KIAA1328: variants seen among roughly 807,000 people sequenced by gnomAD.
KIAA1328 encodes KIAA1328.
KIAA1328 carries 52 observed loss-of-function variants against 68.1 expected under a neutral mutation model. The ratio of observed to expected loss-of-function variants is 0.76; its 90% CI spans 0.61 to 0.96. The LOEUF (loss-of-function observed/expected upper bound fraction) is 0.96, where lower values mean the gene tolerates loss of function less well. Among genes scored for constraint, KIAA1328 ranks in the 40% least tolerant of loss-of-function variants. The probability of loss-of-function intolerance (pLI) is 0.00; values close to 1 mark genes in which losing one functional copy is unlikely to be tolerated. For synonymous variants in KIAA1328, 232 were observed against 239.4 expected, an observed-to-expected ratio of 0.97 and a Z score of 0.28; for missense variants, 641 against 677.6, an observed-to-expected ratio of 0.95 and a Z score of 0.60.
At chr18:37,158,512 A>T (rs2059206439) in intron 7 of KIAA1328, among the ~76,000 whole-genome samples, 1 of 152,194 alleles carries the variant, frequency 6.6e-6, no homozygotes, top group African/African-American at 2.4e-5. Context: ...GATGATTGAC[A>T]GGCCATAGTC....
intron 4 of KIAA1328, among the ~76,000 whole-genome samples, chr18:36,847,303 A>G (rs1464586263): frequency 1.3e-5 from 2 of 151,562 alleles, no homozygotes; most frequent in African/African-American, 4.8e-5. Context: ...AAGTGTGTCT[A>G]TAACTTTGTA....
At chr18:37,066,143 TAA>T (rs1351003479) in intron 6 of KIAA1328, among the ~76,000 whole-genome samples, 4 of 152,234 alleles carry the variant, frequency 2.6e-5, no homozygotes, top group Admixed American at 6.5e-5. Flanking sequence ...TGATACAGAT[TAA>T]GTTTTGTTCT....
At chr18:36,837,017 C>T (rs911023366) in intron 3 of KIAA1328, among the ~76,000 whole-genome samples, 7 of 152,102 alleles carry the variant, frequency 4.6e-5, no homozygotes, top group African/African-American at 1.7e-4. Context: ...AGTCAATGGA[C>T]ATGTTCAACT....
At chr18:36,996,174 A>G (rs2151433313) in intron 6 of KIAA1328, among the ~76,000 whole-genome samples, 2 of 152,244 alleles carry the variant, frequency 1.3e-5, no homozygotes, top group South Asian at 4.1e-4. Context: ...CCCACTTTCT[A>G]CCCTGTTAGA....
intron 9 of KIAA1328, among the ~76,000 whole-genome samples, chr18:37,207,001 T>C (rs2060228385): frequency 6.6e-6 from 1 of 152,100 alleles, no homozygotes; most frequent in South Asian, 2.1e-4. Flanking sequence ...GCAGTGGTGA[T>C]AAGTGGAAAG....
intron 3 of KIAA1328, among the ~76,000 whole-genome samples, chr18:36,840,954 C>T (rs1056248527): frequency 4.6e-5 from 7 of 152,260 alleles, no homozygotes; most frequent in Admixed American, 4.6e-4. Flanking sequence ...CTTCAGATTT[C>T]ACTACAGTCT....
At chr18:37,210,451 C>T (rs562751435) in intron 9 of KIAA1328, among the ~76,000 whole-genome samples, 14 of 152,298 alleles carry the variant, frequency 9.2e-5, no homozygotes, top group African/African-American at 2.9e-4. Context: ...CTAGGTAACT[C>T]ATGCGTACTG....
At chr18:36,918,706 C>T (rs563698772) in intron 5 of KIAA1328, among the ~76,000 whole-genome samples, 6 of 151,502 alleles carry the variant, frequency 4.0e-5, no homozygotes, top group East Asian at 1.9e-4. Context: ...TGAGCCACTG[C>T]GCCCGGCCTT....
At chr18:37,141,940 A>G (rs1165383821) in intron 7 of KIAA1328, among the ~76,000 whole-genome samples, 1 of 152,192 alleles carries the variant, frequency 6.6e-6, no homozygotes, top group Non-Finnish European at 1.5e-5. Flanking sequence ...TTCTTTGAAT[A>G]TTTTGGATAC....
At chr18:36,920,949 CG>C (rs1189587351) in intron 5 of KIAA1328, 1 of 152,238 alleles carries the variant, frequency 6.6e-6, no homozygotes, top group Non-Finnish European at 1.5e-5. Flanking sequence ...AGTCTCTCTG[CG>C]TAACTCAGCA....
At chr18:37,075,841 G>C (rs1477191289) in intron 7 of KIAA1328, among the ~76,000 whole-genome samples, 4 of 152,246 alleles carry the variant, frequency 2.6e-5, no homozygotes, top group Non-Finnish European at 5.9e-5. Flanking sequence ...AGCAAGTCCT[G>C]AGTGACCTAC....
chr18:37,081,853 G>C (rs547559536), intron 7 of KIAA1328, among the ~76,000 whole-genome samples: 17 of 151,890 alleles, frequency 1.1e-4, no homozygotes, highest in African/African-American at 4.1e-4. Context: ...ATTATAACAC[G>C]GTCAAAATCC....
chr18:37,053,669 G>A (rs572487114), intron 6 of KIAA1328, among the ~76,000 whole-genome samples: 40 of 152,038 alleles, frequency 2.6e-4, no homozygotes, highest in Non-Finnish European at 4.7e-4. Context: ...GTAGGCCTCC[G>A]GAAACTTACA....
rs1362211345 is a variant in KIAA1328, at chr18:36,959,413, C to T, written c.554C>T (p.Ala185Val). Residue 185 changes from alanine to valine, a missense_variant, in exon 6 of 10, where the codon GCT becomes GTT. Coordinates refer to ENST00000280020, the MANE Select transcript of KIAA1328 (RefSeq NM_020776.3). ...KLTMSLSELG[A>V]ARMQEQQVSS... is the part of the protein sequence containing the mutation. ...ACCATGTCTCTCTCAGAACTTGGTG[C>T]TGCTAGAATGCAGGAACAGCAGGTA... 3 of 1,609,118 alleles carry T rather than the reference C, an allele frequency of 1.9e-6. No homozygotes were observed. The highest frequency in any genetic ancestry group is 2.2e-5 in the South Asian group (2 of 89,558).
intron 9 of KIAA1328, chr18:37,193,706 C>T: frequency 1.5e-6 from 1 of 686,200 alleles, no homozygotes. Context: ...TATTTCATGT[C>T]CAGCTGGGTT....
chr18:36,989,292 C>G (rs770749568), intron 6 of KIAA1328, among the ~76,000 whole-genome samples: 2 of 152,028 alleles, frequency 1.3e-5, no homozygotes, highest in African/African-American at 2.4e-5. Flanking sequence ...AAATTTGTAG[C>G]CATCAGTGTT....
At chr18:37,074,070 G>A (rs2056625056) in intron 7 of KIAA1328, among the ~76,000 whole-genome samples, 1 of 152,194 alleles carries the variant, frequency 6.6e-6, no homozygotes, top group Admixed American at 6.6e-5. Context: ...CTGGACCTTT[G>A]CTGGTGGGAA....
At chr18:36,897,263 A>G in intron 5 of KIAA1328, among the ~76,000 whole-genome samples, 1 of 152,088 alleles carries the variant, frequency 6.6e-6, no homozygotes, top group East Asian at 1.9e-4. Flanking sequence ...AGCCAAATGG[A>G]GAAAGAATTC....
chr18:37,160,428 G>T, intron 8 of KIAA1328, 47 bp downstream of exon 8: 2 of 1,522,026 alleles, frequency 1.3e-6, no homozygotes, highest in Non-Finnish European at 1.8e-6. Context: ...GGTAGGGGAA[G>T]GTAGTTGCTA....
Sources: gnomAD v4.1 joint callset for allele counts (sites outside exome capture counted in the v4.1 genomes callset) on GRCh38, gnomAD v4.1.1 for gene constraint, MANE v1.5 for transcripts, NCBI Gene and HGNC (gene_info 2026-07-23, HGNC 2026-07-21) for gene names.